The following CPAMD8 variants were observed in gnomAD, a reference collection of about 807,000 sequenced individuals.
CPAMD8 encodes the protein C3 and PZP-like alpha-2-macroglobulin domain-containing protein 8.
Under a neutral mutation model 224.7 loss-of-function variants are expected in CPAMD8, and 146 were observed. The ratio of observed to expected loss-of-function variants is 0.65; its 90% confidence interval spans 0.57 to 0.75. The LOEUF is 0.75. Ranked by LOEUF, CPAMD8 falls within the 30% of genes least tolerant of loss-of-function variation. The pLI is 0.00. For synonymous variants in CPAMD8, 966 were observed against 1,044.6 expected, an observed-to-expected ratio of 0.92 and a Z score of 1.45; for missense variants, 2,301 against 2,537.5, an observed-to-expected ratio of 0.91 and a Z score of 2.00.
intron 2 of CPAMD8, among the ~76,000 whole-genome samples, chr19:17,021,783 C>G (rs568913505): frequency 6.6e-6 from 1 of 152,368 alleles, no homozygotes; most frequent in South Asian, 2.1e-4. Flanking sequence ...CTGCCCAGAT[C>G]TGCACCCACA....
chr19:16,901,233 C>A lies in CPAMD8; in HGVS notation c.4750G>T (p.Ala1584Ser), dbSNP rs371011516. ...ACCTGCTCCAGGCTCTCGATGTCTGCCCGGAAGCCTGACAGCAGGGGCACC... is the reference window on the plus strand; with the variant it reads ...ACCTGCTCCAGGCTCTCGATGTCTGACCGGAAGCCTGACAGCAGGGGCACC... ...LEVPLLSGFR[A>S]DIESLEQLLL... Residue 1584 changes from alanine (A) to serine (S), a missense_variant, in exon 36 of 42, where the codon GCA (alanine) becomes TCA (serine). Ala to Ser is a moderately conservative substitution (Grantham distance 99, BLOSUM62 1). This residue lies in a region of CPAMD8 where 1,709 missense variants were observed against 1,753.2 expected (regional missense o/e 0.97). Coordinates refer to ENST00000443236, the MANE Select transcript of CPAMD8 (RefSeq NM_015692.5). 2.9e-5 allele frequency: 47 copies of A among 1,611,852 alleles called. No homozygotes were observed. The highest frequency in any genetic ancestry group is 3.6e-5 in the Non-Finnish European group (42 of 1,179,272).
At chr19:16,933,685 T>C (rs2053607767) in intron 23 of CPAMD8, among the ~76,000 whole-genome samples, 1 of 152,094 alleles carries the variant, frequency 6.6e-6, no homozygotes, top group African/African-American at 2.4e-5. Context: ...AGACTAACAA[T>C]ACTAAATGTT....
chr19:16,904,396 C>G (rs1477975557), intron 31 of CPAMD8, 34 bp from the exon 32 acceptor site: 4 of 1,613,914 alleles, frequency 2.5e-6, no homozygotes, highest in East Asian at 4.5e-5. Flanking sequence ...GGACTTTTGA[C>G]ACAGGGACAT....
chr19:16,977,477 G>T lies in CPAMD8; in HGVS notation c.1649C>A (p.Thr550Asn). The change falls in exon 15 of 42, where the codon ACC (threonine) becomes AAC (asparagine). Residue 550 changes from threonine (T) to asparagine (N), a missense_variant. Coordinates refer to ENST00000443236, the MANE Select transcript of CPAMD8 (RefSeq NM_015692.5). ...VCVTSLHLAV[T>N]PSMVPLGRLL... ...GCGACCAAGGGGGACCATGCTGGGG[G>T]TCACGGCCAGATGAAGAGAGGTCAC... The T allele has an allele frequency of 1.2e-6, 2 of 1,611,770 alleles. No homozygotes were observed. Among genetic ancestry groups the T allele is most frequent in the Middle Eastern group, 1.7e-4 (1 of 6,056 alleles).
Position 17,018,714 on chromosome 19 carries a change from A to AT in CPAMD8, c.267+1616_267+1617insA, listed in dbSNP as rs1160290040. Among the ~76,000 whole-genome samples the AT allele has an allele frequency of 2.5e-3, 306 of 122,156 alleles. 1 individual carries two copies. Among genetic ancestry groups the AT allele is most frequent in the African/African-American group, 0.011 (293 of 27,746 alleles). The allele number at this position is 122,156 out of a possible 152,430, so 80.1% of individuals were successfully genotyped here. ...CATGGTAAAACCCCATCTCTACTAA[A>AT]AATACACACACACACACACACACAC... is the stretch of plus-strand genomic sequence containing the variant. On this transcript the variant is annotated intron_variant, in intron 3 of 41. Coordinates refer to ENST00000443236, the MANE Select transcript of CPAMD8 (RefSeq NM_015692.5).
intron 17 of CPAMD8, among the ~76,000 whole-genome samples, chr19:16,973,984 C>A (rs2055160631): frequency 6.6e-6 from 1 of 151,130 alleles, no homozygotes; most frequent in Non-Finnish European, 1.5e-5. Flanking sequence ...CATGCACCAC[C>A]ACGCCCAGCT....
intron 2 of CPAMD8, among the ~76,000 whole-genome samples, chr19:17,021,099 C>T (rs1354882906): frequency 6.6e-6 from 1 of 152,170 alleles, no homozygotes; most frequent in Admixed American, 6.6e-5. Flanking sequence ...GCACATGAAC[C>T]AAGATAGGCC....
At chr19:17,020,493 C>G (rs1457574195) in intron 2 of CPAMD8, 140 bp from the exon 3 acceptor site, 2 of 667,870 alleles carry the variant, frequency 3.0e-6, no homozygotes, top group Non-Finnish European at 2.7e-6. Flanking sequence ...TCATGCTGGC[C>G]TGGACTGGGC....
chr19:16,960,213 A>AG (rs944512465), intron 18 of CPAMD8, among the ~76,000 whole-genome samples: 1 of 146,818 alleles, frequency 6.8e-6, no homozygotes, highest in African/African-American at 2.5e-5. Flanking sequence ...TCCTTTCTCA[A>AG]AAAAAAAAAA....
chr19:16,895,530 G>C (rs1204977521), intron 41 of CPAMD8: 2 of 219,072 alleles, frequency 9.1e-6, no homozygotes, highest in South Asian at 1.2e-4. Flanking sequence ...GTGTTGAGGG[G>C]AGAGATGAAG....
At chr19:16,909,908 G>C (rs773924) in intron 29 of CPAMD8, among the ~76,000 whole-genome samples, 1 of 152,056 alleles carries the variant, frequency 6.6e-6, no homozygotes. Context: ...CTGGAGTGCA[G>C]TGGTGCAATC....
intron 41 of CPAMD8, 96 bp from the exon 42 acceptor site, chr19:16,893,435 TGCCAGGGGTGGGGAACCCACCG>T: frequency 1.2e-6 from 1 of 866,214 alleles, no homozygotes; most frequent in Non-Finnish European, 1.7e-6. Flanking sequence ...GCTTGTAGGG[TGCCAGGGGTGGGGAACCCACCG>T]GCCAGGGCAG....
chr19:16,981,239 T>C (rs2055504392), intron 13 of CPAMD8, among the ~76,000 whole-genome samples: 1 of 151,984 alleles, frequency 6.6e-6, no homozygotes, highest in African/African-American at 2.4e-5. Context: ...CACATGCCTG[T>C]AGTCCCCGCT....
intron 13 of CPAMD8, among the ~76,000 whole-genome samples, chr19:16,987,835 T>G (rs1265037965): frequency 1.1e-4 from 16 of 151,694 alleles, no homozygotes; most frequent in Admixed American, 1.1e-3. Flanking sequence ...TTGTTTTTGT[T>G]TTTGTTTTGA....
chr19:16,903,268 C>A (rs1001192482), intron 34 of CPAMD8, among the ~76,000 whole-genome samples: 2 of 151,950 alleles, frequency 1.3e-5, no homozygotes. Flanking sequence ...TAAATCCAGG[C>A]CACAGCAGGG....
At chr19:16,912,567 G>A (rs1022186338) in intron 29 of CPAMD8, among the ~76,000 whole-genome samples, 3 of 152,138 alleles carry the variant, frequency 2.0e-5, no homozygotes, top group South Asian at 2.1e-4. Context: ...TGGCCAACAT[G>A]GTGGAACCTG....
chr19:16,897,905 G>A lies in CPAMD8; in HGVS notation c.4938C>T (p.Tyr1646=), dbSNP rs766862376. The change falls in exon 38 of 42, where the codon TAC becomes TAT. Residue 1646 remains tyrosine, a synonymous_variant. Transcript: ENST00000443236. ...GRTSALPVSV[Y]DYYEPAFEAT... ...CGGGCCTACCGGGTTCGTAGTAGTC[G>A]TACACGGAGACTGGCAGCGCCGACG... 52 of 1,610,566 alleles carry A rather than the reference G, an allele frequency of 3.2e-5. No individual in the cohort carries two copies. Among genetic ancestry groups the A allele is most frequent in the Non-Finnish European group, 4.4e-5 (52 of 1,179,084 alleles).
At chr19:17,007,171 TA>T (rs2056514849) in intron 7 of CPAMD8, among the ~76,000 whole-genome samples, 1 of 151,810 alleles carries the variant, frequency 6.6e-6, no homozygotes, top group South Asian at 2.1e-4. Flanking sequence ...CTGTGTCTAC[TA>T]AAAATACAAA....
chr19:16,907,034 C>A lies in CPAMD8; in HGVS notation c.3945G>T (p.Leu1315=), dbSNP rs767891046. The change falls in exon 30 of 42, where the codon CTG becomes CTT. Residue 1315 remains leucine, a synonymous_variant. Transcript: ENST00000443236. ...PLAMDPYSCA[L]TTYALTLLRS... ...GGAGCAGGGTCAGCGCGTAGGTAGT[C>A]AGGGCACAGCTATAAGGGTCCATGG... 7.5e-6 allele frequency: 12 copies of A among 1,610,108 alleles called. No homozygotes were observed. Among genetic ancestry groups the A allele is most frequent in the Middle Eastern group, 3.3e-4 (2 of 6,058 alleles).
Sources: allele counts gnomAD v4.1 joint callset (sites outside exome capture counted in the v4.1 genomes callset), GRCh38; gene constraint gnomAD v4.1.1; regional missense constraint gnomAD v4.1.1; transcripts MANE v1.5; gene names NCBI Gene and HGNC (gene_info 2026-07-23, HGNC 2026-07-21).